Variants in SPATA7 observed in about 807,000 individuals in gnomAD.
The protein encoded by SPATA7 is spermatogenesis associated 7, also known as spermatogenesis-associated protein 7.
A neutral mutation model predicts 51.8 loss-of-function variants in SPATA7; 43 were observed. The observed-to-expected ratio is 0.83, with a 90% CI of 0.65 to 1.07. The LOEUF is 1.07. Among genes scored for constraint, SPATA7 ranks in the 50% least tolerant of loss-of-function variants. SPATA7 has a pLI of 0.00. For missense variants in SPATA7, 683 were observed against 701.3 expected (o/e 0.97, Z 0.30); for synonymous variants, 230 against 252.8 (o/e 0.91, Z 0.86).
intron 5 of SPATA7, among the ~76,000 whole-genome samples, chr14:88,417,304 G>T (rs10151882): frequency 0.051 from 7,181 of 141,326 alleles, 520 homozygotes; most frequent in African/African-American, 0.16. Context: ...AATCTGTGGG[G>T]TTTTTTTTTT....
intron 3 of SPATA7, among the ~76,000 whole-genome samples, chr14:88,446,737 A>T (rs527910764): frequency 2.0e-5 from 3 of 152,060 alleles, no homozygotes; most frequent in Admixed American, 6.5e-5. Context: ...TCGTTTTGTT[A>T]TGTACCCAGT....
At chr14:88,417,089 A>G (rs890961262) in intron 5 of SPATA7, among the ~76,000 whole-genome samples, 1 of 152,132 alleles carries the variant, frequency 6.6e-6, no homozygotes, top group Admixed American at 6.5e-5. Context: ...AACTGAAGAC[A>G]TTGGGTCAGA....
chr14:88,441,244 T>C (rs2077176854), downstream of SPATA7, among the ~76,000 whole-genome samples: 2 of 152,168 alleles, frequency 1.3e-5, no homozygotes, highest in Non-Finnish European at 2.9e-5. Context: ...ATCCACTTGT[T>C]GATCGATGGG....
At position 88,425,107 on chromosome 14, in the gene SPATA7, G is replaced by A. The variant is rs549529132; in HGVS notation, c.373-1125G>A. 7.9e-4 allele frequency among the ~76,000 whole-genome samples: 120 copies of A among 152,272 alleles called. 1 individual carries two copies. Among genetic ancestry groups the A allele is most frequent in the African/African-American group, 2.7e-3 (112 of 41,568 alleles). On this transcript the variant is annotated intron_variant, in intron 5 of 11. Transcript: ENST00000393545. ...AATCTGTGAGACACTGCACCTCAGA[G>A]CAGTGTTTTTATCTACAAAATAGGG...
chr14:88,437,652 T>C, intron 11 of SPATA7, 55 bp downstream of exon 11: 3 of 1,480,400 alleles, frequency 2.0e-6, no homozygotes, highest in East Asian at 2.3e-5. Flanking sequence ...AATAATTGTA[T>C]GGTTTTTTTC....
rs1156708228 is a variant in SPATA7, at chr14:88,397,656, A to AT, written c.238+1453_238+1454insT. ...ATGCTGTCTCAAGAAAAAAAAAAAA[A>AT]AAGGAAAAAGAAAACCCATAATGTT... On this transcript the variant is annotated intron_variant, in intron 4 of 11. Transcript: ENST00000393545. Among the ~76,000 whole-genome samples the AT allele has an allele frequency of 3.3e-5, 5 of 151,530 alleles. No individual in the cohort carries two copies. In the East Asian group the frequency reaches 5.8e-4, roughly 18 times the overall value.
At chr14:88,385,967 G>A (rs751561181) in intron 1 of SPATA7, 130 bp downstream of exon 1, 1 of 1,530,698 alleles carries the variant, frequency 6.5e-7, no homozygotes, top group Non-Finnish European at 8.8e-7. Flanking sequence ...TGAGTCGCCA[G>A]TGTTGCCTGG....
chr14:88,439,562 A>G (rs2077163339), downstream of SPATA7, among the ~76,000 whole-genome samples: 1 of 152,238 alleles, frequency 6.6e-6, no homozygotes, highest in Admixed American at 6.5e-5. Context: ...ATATTTAAAA[A>G]AATACAACCC....
chr14:88,406,328 C>T lies in SPATA7; in HGVS notation c.238+10125C>T, dbSNP rs546742328. Among the ~76,000 whole-genome samples, 10 of 151,858 alleles carry T rather than the reference C, an allele frequency of 6.6e-5. No homozygotes were observed. The South Asian group carries it at 2.1e-3, about 32-fold the overall frequency. On this transcript the variant is annotated intron_variant, in intron 4 of 11. Transcript: ENST00000393545. ...TACTAAATTTACAGAATTGTGCAAC[C>T]ACAAACCAATTTTAGAACATTTTCA...
intron 7 of SPATA7, 134 bp from the exon 8 acceptor site, chr14:88,429,214 A>G: frequency 1.8e-6 from 1 of 542,110 alleles, no homozygotes; most frequent in Non-Finnish European, 3.4e-6. Context: ...TTATTCTAAA[A>G]TATTCTTTGT....
At chr14:88,413,981 A>C (rs1186376786) in intron 4 of SPATA7, among the ~76,000 whole-genome samples, 1 of 152,020 alleles carries the variant, frequency 6.6e-6, no homozygotes, top group Non-Finnish European at 1.5e-5. Flanking sequence ...TTTTGTGTCT[A>C]TGTTAATCAG....
Position 88,426,297 on chromosome 14 carries a change from T to C in SPATA7, c.438T>C (p.Phe146=), listed in dbSNP as rs1478565858. 1 of 1,614,170 alleles carries C rather than the reference T, an allele frequency of 6.2e-7. No homozygotes were observed. The highest frequency in any genetic ancestry group is 1.1e-5 in the South Asian group (1 of 91,086). ...AAGAAATGAATGGATTTTCATCCTTTGCAAGGTCACTAGTACCCTCTTCAG... is the reference window on the plus strand; with the variant it reads ...AAGAAATGAATGGATTTTCATCCTTCGCAAGGTCACTAGTACCCTCTTCAG... ...LKEEMNGFSS[F]ARSLVPSSER... Residue 146 remains phenylalanine (F), a synonymous_variant, in exon 6 of 12, where the codon TTT becomes TTC. Transcript: ENST00000393545.
intron 5 of SPATA7, among the ~76,000 whole-genome samples, chr14:88,418,509 CTG>C (rs2076547632): frequency 6.6e-6 from 1 of 152,160 alleles, no homozygotes; most frequent in Non-Finnish European, 1.5e-5. Flanking sequence ...ATGTCTTGCT[CTG>C]TTGCCCAGGC....
chr14:88,462,828 A>G (rs1337368750), intron 4 of SPATA7, among the ~76,000 whole-genome samples: 3 of 152,232 alleles, frequency 2.0e-5, no homozygotes, highest in South Asian at 4.1e-4. Context: ...TACGCAAGCC[A>G]TACTATTTCT....
In SPATA7 at chr14:88,426,663, T is replaced by C; in HGVS notation, c.804T>C (p.Phe268=). ...CACCTGCCAAAAGAAAAAAGGATTTTACAGATCAACGGATAGAAGCTGAAA... is the reference window on the plus strand; with the variant it reads ...CACCTGCCAAAAGAAAAAAGGATTTCACAGATCAACGGATAGAAGCTGAAA... The part of the protein sequence containing the change: ...YYTPAKRKKD[F]TDQRIEAETQ... Residue 268 remains phenylalanine, a synonymous_variant, in exon 6 of 12, where the codon TTT becomes TTC. Coordinates refer to ENST00000393545, the MANE Select transcript of SPATA7 (RefSeq NM_018418.5). 6.2e-7 allele frequency: 1 copy of C among 1,613,696 alleles called. No individual in the cohort carries two copies. Among genetic ancestry groups the C allele is most frequent in the Non-Finnish European group, 8.5e-7 (1 of 1,180,024 alleles).
chr14:88,441,695 GT>G (rs1300829826), downstream of SPATA7, among the ~76,000 whole-genome samples: 2 of 152,060 alleles, frequency 1.3e-5, no homozygotes, highest in African/African-American at 4.8e-5. Context: ...TGATGGGATT[GT>G]TTTTGTTTCT....
In SPATA7 at chr14:88,385,760, C is replaced by A; in HGVS notation, c.-59C>A. The A allele has an allele frequency of 6.5e-7, 1 of 1,544,162 alleles. No individual in the cohort carries two copies. The highest frequency in any genetic ancestry group is 8.9e-7 in the Non-Finnish European group (1 of 1,128,236). On this transcript the variant is annotated 5_prime_UTR_variant, in exon 1 of 12. Transcript: ENST00000393545. ...CTCCACTGCCGGGGCTGGGCCCGGC[C>A]GCGGGAAGGACCGAAGGGGATACAG... is the stretch of plus-strand genomic sequence containing the variant.
At position 88,433,213 on chromosome 14, in the gene SPATA7, G is replaced by C; in HGVS notation, c.1160+1G>C. The C allele has an allele frequency of 1.3e-6, 2 of 1,599,292 alleles. No individual in the cohort carries two copies. Among genetic ancestry groups the C allele is most frequent in the Non-Finnish European group, 1.7e-6 (2 of 1,169,696 alleles). ...TGAAACTTGGTTTATTTTCAAACAG[G>C]TTAGTTTTTTTAATGGTGTTATGTT... On this transcript the variant is annotated splice_donor_variant, in intron 10 of 11. Coordinates refer to ENST00000393545, the MANE Select transcript of SPATA7 (RefSeq NM_018418.5). LOFTEE classifies it high-confidence loss of function.
intron 4 of SPATA7, chr14:88,406,752 C>T (rs1374878178): frequency 6.6e-6 from 1 of 152,156 alleles, no homozygotes; most frequent in Non-Finnish European, 1.5e-5. Flanking sequence ...TCTCCTAATA[C>T]TATCCCTTCC....
Sources: gnomAD v4.1 joint callset for allele counts (sites outside exome capture counted in the v4.1 genomes callset) on GRCh38, gnomAD v4.1.1 for gene constraint, MANE v1.5 for transcripts, NCBI Gene and HGNC (gene_info 2026-07-23, HGNC 2026-07-21) for gene names.